Variants in ENOX1 observed in about 807,000 individuals in gnomAD.
The protein encoded by ENOX1 is candidate growth-related and time keeping constitutive hydroquinone (NADH) oxidase.
ENOX1 carries 42 observed loss-of-function variants against 82.5 expected under a neutral mutation model. The ratio of observed to expected loss-of-function variants is 0.51; its 90% CI spans 0.40 to 0.66. ENOX1 has a LOEUF of 0.66. Among genes scored for constraint, ENOX1 ranks in the 30% least tolerant of loss-of-function variants. The pLI is 0.00. For synonymous variants in ENOX1, 271 were observed against 282.2 expected, an observed-to-expected ratio of 0.96 and a Z score of 0.40; for missense variants, 608 against 811.6, an observed-to-expected ratio of 0.75 and a Z score of 3.05.
intron 1 of ENOX1, among the ~76,000 whole-genome samples, chr13:43,772,750 A>T (rs1167773862): frequency 9.3e-5 from 2 of 21,426 alleles, no homozygotes; most frequent in Non-Finnish European, 2.8e-4. Flanking sequence ...CTCTGTCTTT[A>T]AAAAAAAAAA....
At chr13:43,595,201 C>A (rs950858090) in intron 2 of ENOX1, among the ~76,000 whole-genome samples, 2 of 150,186 alleles carry the variant, frequency 1.3e-5, no homozygotes, top group African/African-American at 4.9e-5. Context: ...GAAGGGAAAC[C>A]GGGACCCAAA....
chr13:43,413,230 C>T (rs985306257), intron 3 of ENOX1, among the ~76,000 whole-genome samples: 7 of 152,172 alleles, frequency 4.6e-5, no homozygotes, highest in Non-Finnish European at 1.0e-4. Context: ...GCTGAATAAA[C>T]AGCCCCATTT....
chr13:43,757,806 T>A (rs1471194857), intron 1 of ENOX1, among the ~76,000 whole-genome samples: 1 of 152,100 alleles, frequency 6.6e-6, no homozygotes, highest in Admixed American at 6.5e-5. Flanking sequence ...TGGTCATTTA[T>A]CCCAAAAATG....
At chr13:43,739,651 A>T (rs1221528032) in intron 1 of ENOX1, among the ~76,000 whole-genome samples, 1 of 151,906 alleles carries the variant, frequency 6.6e-6, no homozygotes, top group East Asian at 1.9e-4. Context: ...GAGAAAAATA[A>T]CATAAGAAAA....
At chr13:43,481,355 C>CAT (rs951870207) in intron 3 of ENOX1, among the ~76,000 whole-genome samples, 40 of 151,846 alleles carry the variant, frequency 2.6e-4, no homozygotes, top group African/African-American at 9.4e-4. Flanking sequence ...GAAATAAACC[C>CAT]ATATATATAT....
At chr13:43,464,238 A>G in intron 3 of ENOX1, among the ~76,000 whole-genome samples, 1 of 152,228 alleles carries the variant, frequency 6.6e-6, no homozygotes, top group East Asian at 1.9e-4. Context: ...TTGAGGAAAA[A>G]AAGTGCCTTC....
intron 2 of ENOX1, among the ~76,000 whole-genome samples, chr13:43,532,257 A>T (rs1421457502): frequency 6.6e-6 from 1 of 152,106 alleles, no homozygotes; most frequent in Non-Finnish European, 1.5e-5. Context: ...TTTTTAATTT[A>T]AAATCTGTAA....
chr13:43,329,545 A>C (rs781513004), intron 9 of ENOX1, among the ~76,000 whole-genome samples: 47 of 152,190 alleles, frequency 3.1e-4, no homozygotes, highest in Admixed American at 1.4e-3. Flanking sequence ...TGGAGCTGAA[A>C]TATGGATTAG....
At chr13:43,341,809 G>C (rs1011227469) in intron 9 of ENOX1, among the ~76,000 whole-genome samples, 5 of 152,170 alleles carry the variant, frequency 3.3e-5, no homozygotes, top group African/African-American at 1.2e-4. Context: ...AGAGCAGCAG[G>C]CCCAGTCAAA....
chr13:43,338,079 G>A (rs2048819028), intron 9 of ENOX1, among the ~76,000 whole-genome samples: 1 of 152,096 alleles, frequency 6.6e-6, no homozygotes, highest in Admixed American at 6.5e-5. Context: ...AAGCATGTTG[G>A]GAAAGTAGCA....
At chr13:43,233,954 AG>A (rs1384437335) in intron 15 of ENOX1, among the ~76,000 whole-genome samples, 1 of 152,208 alleles carries the variant, frequency 6.6e-6, no homozygotes, top group African/African-American at 2.4e-5. Flanking sequence ...AGAAGGCCAG[AG>A]GGCTCCTAGA....
chr13:43,709,576 T>C (rs1218428036), intron 1 of ENOX1, among the ~76,000 whole-genome samples: 1 of 150,502 alleles, frequency 6.6e-6, no homozygotes, highest in Non-Finnish European at 1.5e-5. Flanking sequence ...AAAACATTCA[T>C]GAAGGAGGAG....
intron 3 of ENOX1, among the ~76,000 whole-genome samples, chr13:43,426,597 T>C (rs1048162952): frequency 6.6e-6 from 1 of 152,212 alleles, no homozygotes; most frequent in African/African-American, 2.4e-5. Context: ...ATAATGTTTA[T>C]TGAAAAATAA....
At chr13:43,446,546 C>T (rs530129586) in intron 3 of ENOX1, among the ~76,000 whole-genome samples, 3 of 152,148 alleles carry the variant, frequency 2.0e-5, no homozygotes, top group Non-Finnish European at 2.9e-5. Flanking sequence ...CTAACTCACC[C>T]GCTTGTTAAC....
At chr13:43,654,689 A>C (rs796810573) in intron 2 of ENOX1, among the ~76,000 whole-genome samples, 38 of 152,320 alleles carry the variant, frequency 2.5e-4, no homozygotes, top group African/African-American at 7.9e-4. Context: ...GTCAACCCTA[A>C]GACAAATAAG....
At chr13:43,607,074 A>C (rs2082005769) in intron 2 of ENOX1, among the ~76,000 whole-genome samples, 1 of 152,208 alleles carries the variant, frequency 6.6e-6, no homozygotes, top group South Asian at 2.1e-4. Context: ...ATAATTTATT[A>C]TACATTAAAA....
At chr13:43,565,227 G>C (rs2153707531) in intron 2 of ENOX1, among the ~76,000 whole-genome samples, 2 of 152,246 alleles carry the variant, frequency 1.3e-5, no homozygotes, top group East Asian at 3.9e-4. Flanking sequence ...CTGGCAGAGG[G>C]AACAGCAAGA....
At chr13:43,581,299 A>AT (rs35660163) in intron 2 of ENOX1, among the ~76,000 whole-genome samples, 30,264 of 149,420 alleles carry the variant, frequency 0.2, 4,210 homozygotes, top group East Asian at 0.74. Context: ...CGCCCGGCTA[A>AT]TTTTTTGTAT....
intron 15 of ENOX1, among the ~76,000 whole-genome samples, chr13:43,228,535 C>T (rs371655841): frequency 5.9e-5 from 9 of 152,322 alleles, no homozygotes; most frequent in African/African-American, 1.9e-4. Flanking sequence ...TGCCAAACCT[C>T]GTTAGGAAGG....
Sources: gnomAD v4.1 joint callset for allele counts (sites outside exome capture counted in the v4.1 genomes callset) on GRCh38, gnomAD v4.1.1 for gene constraint, MANE v1.5 for transcripts, NCBI Gene and HGNC (gene_info 2026-07-23, HGNC 2026-07-21) for gene names.